Variants in PER3 observed in about 807,000 individuals in gnomAD.
PER3 encodes period circadian regulator 3.
In PER3, 107 loss-of-function variants were observed where a neutral mutation model predicts 127.2. That is an observed-to-expected ratio of 0.84 (90% CI 0.72 to 0.99). The LOEUF (loss-of-function observed/expected upper bound fraction) is 0.99. Among genes scored for constraint, PER3 ranks in the 50% least tolerant of loss-of-function variants. PER3 has a pLI of 0.00. For synonymous variants in PER3, 618 were observed against 585.8 expected (o/e 1.05, Z -0.79); for missense variants, 1,560 against 1,525.8 (o/e 1.02, Z -0.37).
rs1410624857 is a variant in PER3 at position 7,788,241 on chromosome 1, A to G, written c.587A>G (p.Gln196Arg). The change falls in exon 5 of 22, where the codon CAA (glutamine) becomes CGA (arginine). Residue 196 changes from glutamine to arginine, a missense_variant. By Grantham distance (43) the Gln-to-Arg change is conservative. Transcript: ENST00000377532. ...AQLPFWNNWT[Q>R]RAAARYECAP... is the part of the protein sequence containing the mutation. ...CTTCCTTTCTGGAACAACTGGACCC[A>G]AAGAGGTAACAGGACCAATGTTCAG... 1.2e-6 allele frequency: 2 copies of G among 1,610,768 alleles called. No homozygotes were observed. The highest frequency in any genetic ancestry group is 1.7e-6 in the Non-Finnish European group (2 of 1,177,016).
rs775661736 is a variant in PER3 at position 7,842,788 on chromosome 1, C to T, written c.*33C>T. ...TGAGGATGAACCTTCATACCCTTTC[C>T]AAGACGTGTTACACAGACAGACCTT... On this transcript the variant is annotated 3_prime_UTR_variant, in exon 22 of 22. Coordinates refer to ENST00000377532, the MANE Select transcript of PER3 (RefSeq NM_001377275.1). 2 of 1,597,580 alleles carry T rather than the reference C, an allele frequency of 1.3e-6. No homozygotes were observed. The highest frequency in any genetic ancestry group is 1.7e-5 in the Admixed American group (1 of 59,654).
rs761939935 is a variant in PER3 at position 7,810,517 on chromosome 1, AATC to A, written c.1457_1459del (p.Ser486del). 4.3e-6 allele frequency: 7 copies of A among 1,613,660 alleles called. No homozygotes were observed. The highest frequency in any genetic ancestry group is 3.3e-5 in the Admixed American group (2 of 59,944). ...CAGCTCTACATTGAGTCAATGACCAAATCATCATTCAAGCCAGTGACGGGGACA... is the reference window on the plus strand; with the variant it reads ...CAGCTCTACATTGAGTCAATGACCAAATCATTCAAGCCAGTGACGGGGACA... On this transcript the variant is annotated inframe_deletion, in exon 13 of 22. Coordinates refer to ENST00000377532, the MANE Select transcript of PER3 (RefSeq NM_001377275.1).
intron 13 of PER3, among the ~76,000 whole-genome samples, chr1:7,818,099 A>G (rs971930950): frequency 1.3e-5 from 2 of 152,214 alleles, no homozygotes; most frequent in Non-Finnish European, 2.9e-5. Flanking sequence ...CCATCCCACT[A>G]AAGTTCTGAC....
At chr1:7,801,029 C>T in intron 7 of PER3, 84 bp from the exon 8 acceptor site, 2 of 830,512 alleles carry the variant, frequency 2.4e-6, no homozygotes, top group Admixed American at 2.2e-5. Context: ...ATTTTGTTCT[C>T]TTTTTAATAT....
chr1:7,806,755 C>T (rs1041480654), intron 10 of PER3, among the ~76,000 whole-genome samples: 4 of 145,638 alleles, frequency 2.7e-5, no homozygotes, highest in Non-Finnish European at 4.5e-5. Context: ...AATTGCACCA[C>T]TGCACTCCAG....
At chr1:7,834,203 AGCCACCAC>A (rs1236843199) in intron 19 of PER3, among the ~76,000 whole-genome samples, 2 of 152,204 alleles carry the variant, frequency 1.3e-5, no homozygotes, top group Non-Finnish European at 2.9e-5. Context: ...TACAGGTGTG[AGCCACCAC>A]GCCCAGCCTG....
chr1:7,810,220 G>A, intron 12 of PER3, 199 bp downstream of exon 12: 1 of 647,758 alleles, frequency 1.5e-6, no homozygotes, highest in Non-Finnish European at 2.6e-6. Flanking sequence ...TGAATTAATT[G>A]TATGCGTTCT....
intron 2 of PER3, 86 bp downstream of exon 2, chr1:7,785,091 C>T: frequency 2.8e-6 from 4 of 1,435,100 alleles, no homozygotes; most frequent in Non-Finnish European, 3.8e-6. Context: ...TCTTTTTATT[C>T]TTTTGTTTTC....
Position 7,801,119 on chromosome 1 carries a change from G to A in PER3, c.800G>A (p.Arg267Gln), listed in dbSNP as rs139316996. 3.3e-5 allele frequency: 52 copies of A among 1,599,318 alleles called. No individual in the cohort carries two copies. The highest frequency in any genetic ancestry group is 3.0e-4 in the African/African-American group (22 of 74,142). ...TTTGTTTTTTTTTCCTTAGCTCCTCGGATCCCAGTGAATAAAAGAATCTTC... is the reference window on the plus strand; with the variant it reads ...TTTGTTTTTTTTTCCTTAGCTCCTCAGATCCCAGTGAATAAAAGAATCTTC... ...EKIHSGYEAP[R>Q]IPVNKRIFTT... Residue 267 changes from arginine (R) to glutamine (Q), a missense_variant, in exon 8 of 22, where the codon CGG becomes CAG. Coordinates refer to ENST00000377532, the MANE Select transcript of PER3 (RefSeq NM_001377275.1).
Position 7,826,542 on chromosome 1 carries a change from T to G in PER3, c.2020T>G (p.Ser674Ala). The change falls in exon 17 of 22, where the codon TCG becomes GCG. Residue 674 changes from serine (S) to alanine (A), a missense_variant. This residue lies in a region of PER3 where 1,332 missense variants were observed against 1,223.6 expected (regional missense o/e 1.09). Coordinates refer to ENST00000377532, the MANE Select transcript of PER3 (RefSeq NM_001377275.1). This position sits in a 1 kb window ranked among gnomAD's most constrained non-coding sequence, Gnocchi z 4.2. ...GAACATGCAGCCAGCCCCTTTGACC[T>G]CGGAAGAATTTAAACACGTGGGGCT... ...TLNMQPAPLT[S>A]EEFKHVGLTA... 1 of 1,614,076 alleles carries G rather than the reference T, an allele frequency of 6.2e-7. No homozygotes were observed. Among genetic ancestry groups the G allele is most frequent in the Non-Finnish European group, 8.5e-7 (1 of 1,179,966 alleles).
At position 7,827,803 on chromosome 1, in the gene PER3, A is replaced by G. The variant is rs760032877; in HGVS notation, c.2874A>G (p.Pro958=). ...SPDQMRRNTC[P]QTEYQCVTGN... is the part of the protein sequence containing the mutation. ...ATCAGATGAGAAGGAACACGTGCCCACAAACTGAGTATGTAAGTGATGCTC... is the reference window on the plus strand; with the variant it reads ...ATCAGATGAGAAGGAACACGTGCCCGCAAACTGAGTATGTAAGTGATGCTC... The change falls in exon 18 of 22, where the codon CCA becomes CCG. Residue 958 remains proline (P), a synonymous_variant. Coordinates refer to ENST00000377532, the MANE Select transcript of PER3 (RefSeq NM_001377275.1). 35 of 1,610,414 alleles carry G rather than the reference A, an allele frequency of 2.2e-5. No homozygotes were observed. Among genetic ancestry groups the G allele is most frequent in the Non-Finnish European group, 2.9e-5 (34 of 1,177,506 alleles).
chr1:7,809,512 T>C (rs1392045167), intron 11 of PER3, among the ~76,000 whole-genome samples: 2 of 152,050 alleles, frequency 1.3e-5, no homozygotes, highest in African/African-American at 4.8e-5. Flanking sequence ...ATAAAATCTC[T>C]AGGGTGCATG....
rs561400159 is a variant in PER3 at position 7,827,367 on chromosome 1, C to A, written c.2438C>A (p.Pro813Gln). Residue 813 changes from proline (P) to glutamine (Q), a missense_variant, in exon 18 of 22, where the codon CCA becomes CAA. This residue lies in a region of PER3 where 1,332 missense variants were observed against 1,223.6 expected (regional missense o/e 1.09). Coordinates refer to ENST00000377532, the MANE Select transcript of PER3 (RefSeq NM_001377275.1). ...APYLVPAFPL[P>Q]AATSPGREYA... ...TACCTCGTCCCAGCTTTTCCCCTCC[C>A]AGCCGCGACCTCACCCGGAAGAGAA... is the stretch of plus-strand genomic sequence containing the variant. 3 of 1,614,150 alleles carry A rather than the reference C, an allele frequency of 1.9e-6. No homozygotes were observed. The East Asian group carries it at 6.7e-5, about 36-fold the overall frequency.
At chr1:7,798,414 T>C in intron 6 of PER3, 111 bp from the exon 7 acceptor site, 13 of 768,904 alleles carry the variant, frequency 1.7e-5, no homozygotes, top group Non-Finnish European at 2.4e-5. Context: ...ACATTTTAGA[T>C]GTGGGTATGT....
intron 13 of PER3, among the ~76,000 whole-genome samples, chr1:7,815,146 G>A (rs1334265396): frequency 6.6e-6 from 1 of 152,002 alleles, no homozygotes; most frequent in Non-Finnish European, 1.5e-5. Context: ...AATAGCAAAT[G>A]GAACAAACAG....
In PER3 at chr1:7,827,698, G is replaced by A. The variant is rs1426768854; in HGVS notation, c.2769G>A (p.Pro923=). The change falls in exon 18 of 22, where the codon CCG becomes CCA. Residue 923 remains proline (P), a synonymous_variant. Coordinates refer to ENST00000377532, the MANE Select transcript of PER3 (RefSeq NM_001377275.1). The stretch of plus-strand genomic sequence containing the variant: ...GGGAGGCACAAAGCGAGGGGCACCC[G>A]TTCATTACTTCGAGAAGCAGCTCAC... The part of the protein sequence containing the change: ...EKWEAQSEGH[P]FITSRSSSPL... 7 of 1,613,976 alleles carry A rather than the reference G, an allele frequency of 4.3e-6. No homozygotes were observed. The highest frequency in any genetic ancestry group is 1.1e-5 in the South Asian group (1 of 91,086).
chr1:7,810,377 G>C, intron 12 of PER3, 61 bp from the exon 13 acceptor site: 4 of 1,195,054 alleles, frequency 3.3e-6, no homozygotes, highest in Non-Finnish European at 4.8e-6. Context: ...TTTTGTTTAT[G>C]TATCTTTTAG....
intron 10 of PER3, among the ~76,000 whole-genome samples, chr1:7,807,639 T>C (rs1477546094): frequency 1.3e-5 from 2 of 152,146 alleles, no homozygotes; most frequent in African/African-American, 4.8e-5. Flanking sequence ...CCCCTGACTT[T>C]GTGTATCGGG....
intron 21 of PER3, among the ~76,000 whole-genome samples, chr1:7,842,338 T>G (rs2097394577): frequency 6.6e-6 from 1 of 151,218 alleles, no homozygotes; most frequent in South Asian, 2.1e-4. Flanking sequence ...CTATCTCTAC[T>G]AAAAAACAAA....
Sources: gnomAD v4.1 joint callset for allele counts (sites outside exome capture counted in the v4.1 genomes callset) on GRCh38, gnomAD v4.1.1 for gene constraint, gnomAD v4.1.1 regional missense constraint, Gnocchi (gnomAD v3.1) non-coding constraint, MANE v1.5 for transcripts, NCBI Gene and HGNC (gene_info 2026-07-23, HGNC 2026-07-21) for gene names.